COQ8A: variants seen among roughly 807,000 people sequenced by gnomAD.
The protein encoded by COQ8A is atypical kinase COQ8A, mitochondrial.
COQ8A carries 51 observed loss-of-function variants against 65.0 expected under a neutral mutation model. The observed-to-expected ratio is 0.78, with a 90% confidence interval of 0.63 to 0.99. The LOEUF is 0.99. Ranked by LOEUF, COQ8A falls within the 50% of genes least tolerant of loss-of-function variation. The pLI, the probability that COQ8A is intolerant of heterozygous loss-of-function variation, is 0.00. For missense variants in COQ8A, 940 were observed against 875.0 expected, an observed-to-expected ratio of 1.07 and a Z score of -0.94; for synonymous variants, 371 against 353.2, an observed-to-expected ratio of 1.05 and a Z score of -0.57.
rs748036283 is a variant in COQ8A at position 226,965,222 on chromosome 1, G to T, written c.400G>T (p.Ala134Ser). The change falls in exon 3 of 15, where the codon GCC becomes TCC. Residue 134 changes from alanine to serine, a missense_variant. By Grantham distance (99) the Ala-to-Ser change is moderately conservative. Coordinates refer to ENST00000366777, the MANE Select transcript of COQ8A (RefSeq NM_020247.5). Reference sequence around the variant, plus strand: ...TAGAGAAGCCGGGTTCCCCGGCCAGGCCTCCTCCCCTCTGGGCAGGGCCAA... The same window carrying T: ...TAGAGAAGCCGGGTTCCCCGGCCAGTCCTCCTCCCCTCTGGGCAGGGCCAA... ...PFREAGFPGQ[A>S]SSPLGRANGR... is the part of the protein sequence containing the mutation. 2 of 1,613,750 alleles carry T rather than the reference G, an allele frequency of 1.2e-6. No homozygotes were observed. Among genetic ancestry groups the T allele is most frequent in the Admixed American group, 1.7e-5 (1 of 60,004 alleles).
At chr1:226,975,678 G>A (rs1558198128) in intron 4 of COQ8A, among the ~76,000 whole-genome samples, 1 of 152,032 alleles carries the variant, frequency 6.6e-6, no homozygotes, top group Non-Finnish European at 1.5e-5. Context: ...ATAGAGTCAC[G>A]AGAACAACAG....
chr1:226,954,865 C>A (rs1010763721), intron 1 of COQ8A, among the ~76,000 whole-genome samples: 5 of 152,132 alleles, frequency 3.3e-5, no homozygotes, highest in Non-Finnish European at 5.9e-5. Context: ...TAGGCAGATT[C>A]AGGAAGTGGT....
At position 226,986,559 on chromosome 1, in the gene COQ8A, A is replaced by G. The variant is rs768634318; in HGVS notation, c.1766A>G (p.Asn589Ser). The G allele has an allele frequency of 3.1e-6, 5 of 1,613,878 alleles. No individual in the cohort carries two copies. Among genetic ancestry groups the G allele is most frequent in the Non-Finnish European group, 4.2e-6 (5 of 1,179,962 alleles). Residue 589 changes from asparagine to serine, a missense_variant, in exon 15 of 15, where the codon AAC (asparagine) becomes AGC (serine). Asn to Ser is a conservative substitution (Grantham distance 46). Coordinates refer to ENST00000366777, the MANE Select transcript of COQ8A (RefSeq NM_020247.5). The stretch of plus-strand genomic sequence containing the variant: ...CAGAGCACCACCGAGAAGATCCACA[A>G]CCTGATTCCCGTCATGCTGAGGCAC... ...GTQSTTEKIH[N>S]LIPVMLRHRL...
chr1:226,977,533 G>A lies in COQ8A; in HGVS notation c.730+10G>A. 1 of 1,553,768 alleles carries A rather than the reference G, an allele frequency of 6.4e-7. No individual in the cohort carries two copies. ...TCCGAGGACCCCTCAGGTGAGCCGG[G>A]CCCTTCAGTGGGAGGGGCAGGGTGG... On this transcript the variant is annotated intron_variant, in intron 5 of 14. Transcript: ENST00000366777.
Position 226,982,760 on chromosome 1 carries a change from G to A in COQ8A, c.936G>A (p.Met312Ile). Residue 312 changes from methionine to isoleucine, a missense_variant, in exon 7 of 15, where the codon ATG becomes ATA. Coordinates refer to ENST00000366777, the MANE Select transcript of COQ8A (RefSeq NM_020247.5). Reference protein sequence around the residue: ...QSADFMPLKQMMKTLNNDLGP... With the variant: ...QSADFMPLKQIMKTLNNDLGP... The stretch of plus-strand genomic sequence containing the variant: ...CGGACTTCATGCCACTGAAGCAGAT[G>A]ATGGTGAGGAGCCAGGGGCTCTGCC... The A allele has an allele frequency of 6.2e-7, 1 of 1,613,604 alleles. No homozygotes were observed. The highest frequency in any genetic ancestry group is 1.3e-5 in the African/African-American group (1 of 75,070).
intron 1 of COQ8A, among the ~76,000 whole-genome samples, chr1:226,948,980 T>A (rs1388090010): frequency 6.6e-6 from 1 of 152,040 alleles, no homozygotes; most frequent in Admixed American, 6.6e-5. Flanking sequence ...ATACCATCAT[T>A]TCGAGGAGAG....
intron 3 of COQ8A, 95 bp downstream of exon 3, chr1:226,965,505 G>A: frequency 6.4e-7 from 1 of 1,551,202 alleles, no homozygotes; most frequent in Non-Finnish European, 8.8e-7. Context: ...TGGGTGCTGT[G>A]GTCTGGGGTT....
chr1:226,978,269 C>G (rs1474031807), intron 5 of COQ8A, among the ~76,000 whole-genome samples: 2 of 109,410 alleles, frequency 1.8e-5, no homozygotes, highest in Non-Finnish European at 4.4e-5. Context: ...TCCGCACCCA[C>G]TGAACACCCG....
At chr1:226,983,067 T>G (rs2256060) in intron 8 of COQ8A, 33 bp downstream of exon 8, 31 of 1,562,464 alleles carry the variant, frequency 2.0e-5, no homozygotes, top group Admixed American at 1.1e-4. Context: ...CCTGTCCCTA[T>G]GGGGGCTGCA....
intron 4 of COQ8A, among the ~76,000 whole-genome samples, chr1:226,975,568 TTTC>T: frequency 6.6e-6 from 1 of 152,396 alleles, no homozygotes; most frequent in Non-Finnish European, 1.5e-5. Context: ...ATTTTGCATG[TTTC>T]TTCTTGCCTT....
intron 4 of COQ8A, among the ~76,000 whole-genome samples, chr1:226,970,899 G>A (rs77912019): frequency 0.029 from 4,471 of 151,664 alleles, 242 homozygotes; most frequent in African/African-American, 0.1. Flanking sequence ...CTCTTACAGT[G>A]TAGTCTGTTA....
In COQ8A at chr1:226,978,066, G is replaced by A. The variant is rs1489202415; in HGVS notation, c.730+543G>A. 1.5e-4 allele frequency among the ~76,000 whole-genome samples: 14 copies of A among 92,130 alleles called. No homozygotes were observed. In the East Asian group the frequency reaches 1.9e-3, roughly 13 times the overall value. 60.4% of individuals were successfully genotyped at this position (92,130 alleles called of 152,430 possible). A position where few individuals can be genotyped will look rare whatever the true frequency, so the allele number is the denominator to read the frequency against. ...CCCCTTGCACACCCACCGAACACCC[G>A]CACACCTTACCCCTGCACACCCACC... On this transcript the variant is annotated intron_variant, in intron 5 of 14. Transcript: ENST00000366777.
rs376477868 is a variant in COQ8A, at chr1:226,985,218, A to C, written c.1573-36A>C. On this transcript the variant is annotated intron_variant, in intron 13 of 14. Coordinates refer to ENST00000366777, the MANE Select transcript of COQ8A (RefSeq NM_020247.5). ...TGGGATGTCGGGAGCTGAGCTTTTC[A>C]TGCTGCCCACGGTCCCCTCCTGTGC... 4 of 1,606,276 alleles carry C rather than the reference A, an allele frequency of 2.5e-6. No individual in the cohort carries two copies. In the Middle Eastern group the frequency reaches 6.9e-4, roughly 279 times the overall value.
chr1:226,978,337 TCCAC>T (rs1270037165), intron 5 of COQ8A, among the ~76,000 whole-genome samples: 1 of 39,302 alleles, frequency 2.5e-5, no homozygotes, highest in Non-Finnish European at 4.7e-5. Context: ...CTCTTTATCC[TCCAC>T]CCACCCTCCA....
Position 226,949,944 on chromosome 1 carries a change from C to T in COQ8A, c.-10+9545C>T, listed in dbSNP as rs1657273225. ...AGAGTCATGATGTGAACCCAGATCACCTAACCTCAGAGCATCTTAACCATG... is the reference window on the plus strand; with the variant it reads ...AGAGTCATGATGTGAACCCAGATCATCTAACCTCAGAGCATCTTAACCATG... On this transcript the variant is annotated intron_variant, in intron 1 of 14. Coordinates refer to ENST00000366777, the MANE Select transcript of COQ8A (RefSeq NM_020247.5). The surrounding 1 kb of genome is among the most constrained non-coding windows in gnomAD (Gnocchi z 4.0). Among the ~76,000 whole-genome samples the T allele has an allele frequency of 6.6e-6, 1 of 152,312 alleles. No individual in the cohort carries two copies. Among genetic ancestry groups the T allele is most frequent in the Non-Finnish European group, 1.5e-5 (1 of 68,034 alleles).
intron 1 of COQ8A, among the ~76,000 whole-genome samples, chr1:226,958,540 G>T (rs1264866759): frequency 6.6e-6 from 1 of 152,198 alleles, no homozygotes; most frequent in Non-Finnish European, 1.5e-5. Context: ...GCTGCCATGA[G>T]CCCTGGGCCA....
rs764686228 is a variant in COQ8A at position 226,984,563 on chromosome 1, C to G, written c.1414C>G (p.Leu472Val). The G allele has an allele frequency of 6.2e-7, 1 of 1,613,974 alleles. No individual in the cohort carries two copies. The change falls in exon 12 of 15, where the codon CTG (leucine) becomes GTG (valine). Residue 472 changes from leucine to valine, a missense_variant. Coordinates refer to ENST00000366777, the MANE Select transcript of COQ8A (RefSeq NM_020247.5). ...EIRNEICYNILVLCLRELFEF... is the reference protein window; with the variant it reads ...EIRNEICYNIVVLCLRELFEF... ...CTGTCCACAGATCTGCTACAACATC[C>G]TGGTTCTGTGCCTGAGGGAGCTGTT...
At chr1:226,978,077 C>T (rs1268558820) in intron 5 of COQ8A, among the ~76,000 whole-genome samples, 1 of 143,128 alleles carries the variant, frequency 7.0e-6, no homozygotes. Flanking sequence ...CACACCTTAC[C>T]CCTGCACACC....
chr1:226,961,441 C>A lies in COQ8A; in HGVS notation c.56C>A (p.Thr19Asn). Residue 19 changes from threonine to asparagine, a missense_variant, in exon 2 of 15, where the codon ACC (threonine) becomes AAC (asparagine). Coordinates refer to ENST00000366777, the MANE Select transcript of COQ8A (RefSeq NM_020247.5). ...IMVAKGLVKL[T>N]QAAVETHLQH... ...GTGGCTAAAGGCCTTGTCAAGCTGA[C>A]CCAGGCGGCCGTGGAAACCCACCTG... 1 of 1,613,810 alleles carries A rather than the reference C, an allele frequency of 6.2e-7. No homozygotes were observed.
Sources: gnomAD v4.1 joint callset for allele counts (sites outside exome capture counted in the v4.1 genomes callset) on GRCh38, gnomAD v4.1.1 for gene constraint, Gnocchi (gnomAD v3.1) non-coding constraint, MANE v1.5 for transcripts, NCBI Gene and HGNC (gene_info 2026-07-23, HGNC 2026-07-21) for gene names.